Variants in KCNH1 observed in about 807,000 individuals in gnomAD.
KCNH1 encodes potassium voltage-gated channel subfamily H member 1.
A neutral mutation model predicts 69.2 loss-of-function variants in KCNH1; 27 were observed. That is an observed-to-expected ratio of 0.39 (90% CI 0.29 to 0.54). The LOEUF is 0.54. Among genes scored for constraint, KCNH1 ranks in the 20% least tolerant of loss-of-function variants. The pLI, the probability that KCNH1 is intolerant of heterozygous loss-of-function variation, is 0.68. For synonymous variants in KCNH1, 456 were observed against 487.7 expected, an observed-to-expected ratio of 0.93 and a Z score of 0.86; for missense variants, 798 against 1,261.6, an observed-to-expected ratio of 0.63 and a Z score of 5.57.
At chr1:210,689,896 CCCAGGTCTGCTGA>C (rs1402183391) in intron 10 of KCNH1, among the ~76,000 whole-genome samples, 1 of 152,226 alleles carries the variant, frequency 6.6e-6, no homozygotes, top group Non-Finnish European at 1.5e-5. Context: ...GGCAGCCTGA[CCCAGGTCTGCTGA>C]CCAGGCTCTC....
chr1:211,061,940 T>A (rs1425632732), intron 5 of KCNH1, among the ~76,000 whole-genome samples: 4 of 152,192 alleles, frequency 2.6e-5, no homozygotes, highest in African/African-American at 9.7e-5. Flanking sequence ...ACTAATGGCA[T>A]GCTTCACAGA....
At chr1:210,712,116 A>C (rs1682090904) in intron 10 of KCNH1, among the ~76,000 whole-genome samples, 1 of 152,196 alleles carries the variant, frequency 6.6e-6, no homozygotes, top group Non-Finnish European at 1.5e-5. Context: ...TCTAGCAAAG[A>C]ACATAGATGA....
At position 211,015,734 on chromosome 1, in the gene KCNH1, A is replaced by C. The variant is rs527486797; in HGVS notation, c.1032+3049T>G. Among the ~76,000 whole-genome samples, 3 of 152,336 alleles carry C rather than the reference A, an allele frequency of 2.0e-5. No homozygotes were observed. The South Asian group carries it at 6.2e-4, about 32-fold the overall frequency. ...ATTATCCCCAAGATGTAGATAGGAA[A>C]ACCATGATCCAGAAAGGCTAAATGA... On this transcript the variant is annotated intron_variant, in intron 6 of 10. Coordinates refer to ENST00000271751, the MANE Select transcript of KCNH1 (RefSeq NM_172362.3).
chr1:210,852,320 G>A (rs979937180), intron 7 of KCNH1, among the ~76,000 whole-genome samples: 5 of 152,224 alleles, frequency 3.3e-5, no homozygotes, highest in African/African-American at 1.2e-4. Flanking sequence ...TGGGAAGCAA[G>A]AGGAGGTGGT....
At chr1:210,725,757 A>C (rs1682575316) in intron 10 of KCNH1, among the ~76,000 whole-genome samples, 3 of 152,118 alleles carry the variant, frequency 2.0e-5, no homozygotes, top group African/African-American at 4.8e-5. Flanking sequence ...CCCCGTGCTG[A>C]GCCACTACTC....
intron 10 of KCNH1, among the ~76,000 whole-genome samples, chr1:210,756,142 C>T (rs111297000): frequency 0.021 from 3,147 of 152,174 alleles, 106 homozygotes; most frequent in African/African-American, 0.072. Flanking sequence ...ATGATCCTTC[C>T]GCCTACTGCC....
intron 10 of KCNH1, among the ~76,000 whole-genome samples, chr1:210,732,497 TTG>T (rs1682769339): frequency 6.6e-6 from 1 of 152,200 alleles, no homozygotes; most frequent in African/African-American, 2.4e-5. Flanking sequence ...ATCTCATCTA[TTG>T]TGTGTTCATG....
intron 10 of KCNH1, among the ~76,000 whole-genome samples, chr1:210,697,444 T>A (rs1252215677): frequency 6.6e-6 from 1 of 151,290 alleles, no homozygotes; most frequent in Non-Finnish European, 1.5e-5. Flanking sequence ...AGAGTTCAAC[T>A]TTTCCCTCAG....
chr1:210,701,777 G>A (rs568087885), intron 10 of KCNH1, among the ~76,000 whole-genome samples: 14 of 151,950 alleles, frequency 9.2e-5, no homozygotes, highest in East Asian at 5.8e-4. Context: ...CAGAGACATC[G>A]TTTCTGGGGC....
At chr1:211,018,616 C>T (rs542907337) in intron 6 of KCNH1, among the ~76,000 whole-genome samples, 167 bp downstream of exon 6, 19 of 152,302 alleles carry the variant, frequency 1.2e-4, no homozygotes, top group South Asian at 4.1e-4. Context: ...GCCTCCAAAC[C>T]GCCAAAGGAT....
At chr1:210,855,785 T>C (rs1453886598) in intron 7 of KCNH1, among the ~76,000 whole-genome samples, 1 of 152,190 alleles carries the variant, frequency 6.6e-6, no homozygotes, top group Non-Finnish European at 1.5e-5. Context: ...TGGACACTGC[T>C]ATTAATATAG....
intron 6 of KCNH1, among the ~76,000 whole-genome samples, chr1:210,973,119 C>A (rs1222574735): frequency 1.3e-5 from 2 of 151,966 alleles, no homozygotes; most frequent in East Asian, 3.9e-4. Flanking sequence ...CCCTTTTAGC[C>A]CAACTTCTCT....
chr1:210,856,898 T>TATATATATATATAA (rs1410330503), intron 7 of KCNH1, among the ~76,000 whole-genome samples: 56 of 121,644 alleles, frequency 4.6e-4, no homozygotes, highest in South Asian at 1.5e-3. Context: ...TATATATATA[T>TATATATATATATAA]AAAATACTCA....
intron 7 of KCNH1, among the ~76,000 whole-genome samples, chr1:210,851,843 C>G (rs1685714511): frequency 6.6e-6 from 1 of 152,162 alleles, no homozygotes; most frequent in African/African-American, 2.4e-5. Context: ...CATATGGGAA[C>G]CACCATCCTT....
intron 10 of KCNH1, among the ~76,000 whole-genome samples, chr1:210,692,736 AGCCAAGGAAT>A (rs930555997): frequency 3.3e-4 from 50 of 152,336 alleles, no homozygotes; most frequent in African/African-American, 1.2e-3. Context: ...CGTAGCTACA[AGCCAAGGAAT>A]GCCAAGGATT....
At chr1:211,086,148 C>T (rs1466151384) in intron 4 of KCNH1, among the ~76,000 whole-genome samples, 1 of 152,204 alleles carries the variant, frequency 6.6e-6, no homozygotes, top group Non-Finnish European at 1.5e-5. Context: ...AGGCACCCAA[C>T]AGGTGAATAC....
chr1:210,862,775 T>C (rs1686007256), intron 7 of KCNH1, among the ~76,000 whole-genome samples: 2 of 152,194 alleles, frequency 1.3e-5, no homozygotes, highest in South Asian at 4.1e-4. Context: ...TTACTGCTGT[T>C]GTGGAAAGGG....
At chr1:210,943,515 AT>A (rs1433674318) in intron 6 of KCNH1, among the ~76,000 whole-genome samples, 1 of 151,920 alleles carries the variant, frequency 6.6e-6, no homozygotes, top group East Asian at 1.9e-4. Flanking sequence ...CGCCCGGCTA[AT>A]TTTTGTATTT....
chr1:211,089,266 C>G (rs1571637880), intron 4 of KCNH1, among the ~76,000 whole-genome samples: 1 of 152,118 alleles, frequency 6.6e-6, no homozygotes. Flanking sequence ...GAACCTACTG[C>G]CATGAAATAG....
Sources: allele counts gnomAD v4.1 joint callset (sites outside exome capture counted in the v4.1 genomes callset), GRCh38; gene constraint gnomAD v4.1.1; transcripts MANE v1.5; gene names NCBI Gene and HGNC (gene_info 2026-07-23, HGNC 2026-07-21).